ZMAT4: variants seen among roughly 807,000 people sequenced by gnomAD.
The protein encoded by ZMAT4 is zinc finger matrin-type protein 4.
ZMAT4 carries 17 observed loss-of-function variants against 28.7 expected under a neutral mutation model. That is an observed-to-expected ratio of 0.59 (90% confidence interval 0.41 to 0.89). The LOEUF (loss-of-function observed/expected upper bound fraction) is 0.89. ZMAT4 is among the 40% of genes least tolerant of loss of function. The probability of loss-of-function intolerance (pLI) is 0.00; values close to 1 mark genes in which losing one functional copy is unlikely to be tolerated. For missense variants in ZMAT4, 240 were observed against 283.8 expected (o/e 0.85, Z 1.11); for synonymous variants, 117 against 109.2 (o/e 1.07, Z -0.44).
At position 40,603,349 on chromosome 8, in the gene ZMAT4, A is replaced by G. The variant is rs188658826; in HGVS notation, c.578-22088T>C. ...TAGTCTTATATTATACTTTGAAGTCAGGTAATGTGATGTCTCCAGATTTGT... is the reference window on the plus strand; with the variant it reads ...TAGTCTTATATTATACTTTGAAGTCGGGTAATGTGATGTCTCCAGATTTGT... On this transcript the variant is annotated intron_variant, in intron 5 of 6. Coordinates refer to ENST00000297737, the MANE Select transcript of ZMAT4 (RefSeq NM_024645.3). Among the ~76,000 whole-genome samples, 82 of 152,282 alleles carry G rather than the reference A, an allele frequency of 5.4e-4. 1 individual carries two copies. The East Asian group carries it at 0.013, about 24-fold the overall frequency.
intron 5 of ZMAT4, among the ~76,000 whole-genome samples, chr8:40,635,756 T>C (rs1806767524): frequency 6.6e-6 from 1 of 152,224 alleles, no homozygotes; most frequent in African/African-American, 2.4e-5. Flanking sequence ...TCTTTAACTT[T>C]GGTGTCACAG....
intron 5 of ZMAT4, among the ~76,000 whole-genome samples, chr8:40,620,943 A>G (rs767975134): frequency 6.6e-6 from 1 of 152,190 alleles, no homozygotes; most frequent in Non-Finnish European, 1.5e-5. Context: ...TTCATTTCCA[A>G]TGCATCTTAG....
chr8:40,759,022 C>A (rs181503153), intron 3 of ZMAT4, among the ~76,000 whole-genome samples: 3 of 151,968 alleles, frequency 2.0e-5, no homozygotes, highest in Admixed American at 6.5e-5. Flanking sequence ...CAGTGGATCA[C>A]GCCTGTAATC....
chr8:40,811,594 T>G (rs535314179), intron 2 of ZMAT4, among the ~76,000 whole-genome samples: 1 of 152,276 alleles, frequency 6.6e-6, no homozygotes, highest in South Asian at 2.1e-4. Context: ...GGGAATCTGT[T>G]AAGATGTTTG....
intron 2 of ZMAT4, among the ~76,000 whole-genome samples, chr8:40,768,519 G>A (rs932480133): frequency 6.6e-6 from 1 of 152,130 alleles, no homozygotes; most frequent in African/African-American, 2.4e-5. Flanking sequence ...TTCTACCTGA[G>A]GCAGGATGGC....
chr8:40,793,259 G>T (rs1814440393), intron 2 of ZMAT4, among the ~76,000 whole-genome samples: 1 of 152,162 alleles, frequency 6.6e-6, no homozygotes, highest in Non-Finnish European at 1.5e-5. Context: ...ATAAGTCTGT[G>T]AATTTAAAAA....
intron 1 of ZMAT4, among the ~76,000 whole-genome samples, chr8:40,883,417 G>A (rs13267110): frequency 0.11 from 16,956 of 151,990 alleles, 1,021 homozygotes; most frequent in Non-Finnish European, 0.14. Context: ...CTGGAATGTC[G>A]AACCCCTCTC....
chr8:40,563,657 C>T (rs753404375), intron 6 of ZMAT4, among the ~76,000 whole-genome samples: 3 of 152,138 alleles, frequency 2.0e-5, no homozygotes, highest in Admixed American at 1.3e-4. Flanking sequence ...ATTTGAATTA[C>T]AATGATATCT....
rs1808355545 is a variant in ZMAT4, at chr8:40,665,197, CTG to C, written c.577+9505_577+9506del. Among the ~76,000 whole-genome samples, 3 of 152,186 alleles carry C rather than the reference CTG, an allele frequency of 2.0e-5. No individual in the cohort carries two copies. In the East Asian group the frequency reaches 5.8e-4, roughly 29 times the overall value. On this transcript the variant is annotated intron_variant, in intron 5 of 6. Transcript: ENST00000297737. ...CTCCAGGCTGGGTGACAGAGCAAGA[CTG>C]TCTCAAAAAAACAAACAACAACAAA...
At chr8:40,779,012 G>T (rs1196587740) in intron 2 of ZMAT4, among the ~76,000 whole-genome samples, 1 of 152,134 alleles carries the variant, frequency 6.6e-6, no homozygotes, top group Non-Finnish European at 1.5e-5. Flanking sequence ...ATACTAATAT[G>T]GTTTGGCTGT....
intron 3 of ZMAT4, among the ~76,000 whole-genome samples, chr8:40,752,597 G>T (rs965592349): frequency 2.6e-5 from 4 of 152,158 alleles, no homozygotes; most frequent in Non-Finnish European, 5.9e-5. Context: ...CGCGGGACGG[G>T]ACAGCAACGT....
At chr8:40,632,913 T>C (rs1806648891) in intron 5 of ZMAT4, among the ~76,000 whole-genome samples, 1 of 152,180 alleles carries the variant, frequency 6.6e-6, no homozygotes, top group Non-Finnish European at 1.5e-5. Flanking sequence ...TTAGATTTCA[T>C]TTTAATTTCA....
At chr8:40,608,650 T>A (rs1172740441) in intron 5 of ZMAT4, among the ~76,000 whole-genome samples, 1 of 152,140 alleles carries the variant, frequency 6.6e-6, no homozygotes, top group African/African-American at 2.4e-5. Flanking sequence ...GGAAGTTTCC[T>A]TCTCCCTGAT....
chr8:40,629,051 C>T (rs905470685), intron 5 of ZMAT4, among the ~76,000 whole-genome samples: 1 of 150,520 alleles, frequency 6.6e-6, no homozygotes, highest in African/African-American at 2.4e-5. Context: ...ATCCCTTCGC[C>T]CTCTTTATTT....
intron 1 of ZMAT4, among the ~76,000 whole-genome samples, chr8:40,885,195 C>G (rs1818411894): frequency 6.6e-6 from 1 of 152,120 alleles, no homozygotes; most frequent in Admixed American, 6.5e-5. Flanking sequence ...CTCGTTTCCT[C>G]CCTCTCTACT....
In ZMAT4 at chr8:40,800,088, G is replaced by T. The variant is rs1460910536; in HGVS notation, c.102+25487C>A. ...ATTAATCTAACTACAGTCATTTGCT[G>T]CATGGCAGCATTTGAGTCAACGATG... is the stretch of plus-strand genomic sequence containing the variant. On this transcript the variant is annotated intron_variant, in intron 2 of 6. Coordinates refer to ENST00000297737, the MANE Select transcript of ZMAT4 (RefSeq NM_024645.3). Among the ~76,000 whole-genome samples the T allele has an allele frequency of 2.0e-5, 3 of 152,220 alleles. 1 individual carries two copies. Among genetic ancestry groups the T allele is most frequent in the Non-Finnish European group, 4.4e-5 (3 of 68,044 alleles).
At chr8:40,724,687 T>C (rs1404548730) in intron 3 of ZMAT4, among the ~76,000 whole-genome samples, 3 of 152,116 alleles carry the variant, frequency 2.0e-5, no homozygotes, top group Admixed American at 2.0e-4. Flanking sequence ...GAAGAGACAA[T>C]AACTTTCCCT....
chr8:40,656,384 C>A (rs182799319), intron 5 of ZMAT4, among the ~76,000 whole-genome samples: 7 of 152,162 alleles, frequency 4.6e-5, no homozygotes, highest in African/African-American at 1.2e-4. Flanking sequence ...AAACACTTTG[C>A]AATTACTTAA....
chr8:40,640,671 AG>A (rs1195901072), intron 5 of ZMAT4, among the ~76,000 whole-genome samples: 1 of 152,054 alleles, frequency 6.6e-6, no homozygotes, highest in Non-Finnish European at 1.5e-5. Flanking sequence ...TTAAAAAAAA[AG>A]TATAGAGGCC....
Sources: gnomAD v4.1 joint callset for allele counts (sites outside exome capture counted in the v4.1 genomes callset) on GRCh38, gnomAD v4.1.1 for gene constraint, MANE v1.5 for transcripts, NCBI Gene and HGNC (gene_info 2026-07-23, HGNC 2026-07-21) for gene names.